Variants in ACTR3 observed in about 807,000 individuals in gnomAD.
ACTR3 encodes actin related protein 3, also known as actin-related protein 3.
A neutral mutation model predicts 56.8 loss-of-function variants in ACTR3; 12 were observed. That is an observed-to-expected ratio of 0.21 (90% CI 0.14 to 0.34). The LOEUF (loss-of-function observed/expected upper bound fraction) is 0.34. Ranked by LOEUF, ACTR3 falls within the 10% of genes least tolerant of loss-of-function variation. The pLI is 1.00. For missense variants in ACTR3, 282 were observed against 512.5 expected (o/e 0.55, Z 4.34); for synonymous variants, 162 against 167.4 (o/e 0.97, Z 0.25).
At chr2:113,902,800 G>C (rs984046261) in intron 1 of ACTR3, among the ~76,000 whole-genome samples, 1 of 152,052 alleles carries the variant, frequency 6.6e-6, no homozygotes, top group Admixed American at 6.5e-5. Flanking sequence ...GGGTTTCGCC[G>C]TGTTGGCCAG....
Position 113,960,866 on chromosome 2 carries a change from G to C in ACTR3, c.*3411G>C, listed in dbSNP as rs985921182. 6.6e-6 allele frequency: 1 copy of C among 152,002 alleles called. No individual in the cohort carries two copies. Among genetic ancestry groups the C allele is most frequent in the East Asian group, 1.9e-4 (1 of 5,196 alleles). 9.4% of individuals were successfully genotyped at this position (152,002 alleles called of 1,614,324 possible). On this transcript the variant is annotated 3_prime_UTR_variant, in exon 12 of 12. Transcript: ENST00000263238. ...TCTGTGCAGACTCTGGGAGCAAAAT[G>C]TTCTACTCAGTTTGGAATACTGTGC...
chr2:113,954,035 T>C (rs1299776036), intron 10 of ACTR3: 1 of 152,234 alleles, frequency 6.6e-6, no homozygotes, highest in East Asian at 1.9e-4. Context: ...TTTTGTAGCA[T>C]ATCCTTCAGC....
At chr2:113,955,008 C>G (rs942624281) in intron 10 of ACTR3, 4 of 152,080 alleles carry the variant, frequency 2.6e-5, no homozygotes, top group African/African-American at 9.7e-5. Flanking sequence ...ATTGTAATGC[C>G]CTTCTCTGAC....
intron 6 of ACTR3, among the ~76,000 whole-genome samples, chr2:113,936,152 C>T (rs149753744): frequency 4.4e-4 from 67 of 151,916 alleles, no homozygotes; most frequent in African/African-American, 1.3e-3. Context: ...ATTAATTGAA[C>T]GTGGTGGTTC....
At chr2:113,928,458 T>C (rs1679658851) in intron 4 of ACTR3, among the ~76,000 whole-genome samples, 2 of 152,212 alleles carry the variant, frequency 1.3e-5, no homozygotes, top group African/African-American at 2.4e-5. Flanking sequence ...TCTTTTCATA[T>C]AAAATTTACA....
chr2:113,890,084 C>A, upstream of ACTR3: 1 of 638,834 alleles, frequency 1.6e-6, no homozygotes, highest in Non-Finnish European at 2.8e-6. Flanking sequence ...TGCCTGCCTG[C>A]CTGGGTTGCG....
intron 1 of ACTR3, among the ~76,000 whole-genome samples, chr2:113,899,551 TTTAA>T (rs1156281670): frequency 6.6e-6 from 1 of 152,220 alleles, no homozygotes; most frequent in Non-Finnish European, 1.5e-5. Context: ...CTTACTAGCA[TTTAA>T]TTGTTTGGGC....
intron 8 of ACTR3, among the ~76,000 whole-genome samples, chr2:113,949,594 C>G (rs1680085019): frequency 6.6e-6 from 1 of 152,050 alleles, no homozygotes; most frequent in Non-Finnish European, 1.5e-5. Context: ...CAGAGTCTCT[C>G]TCTGTCACCC....
chr2:113,903,438 C>T (rs939889185), intron 1 of ACTR3, among the ~76,000 whole-genome samples: 6 of 152,224 alleles, frequency 3.9e-5, no homozygotes, highest in African/African-American at 1.2e-4. Context: ...GCAGCCTTGG[C>T]CCACTGCAAC....
At chr2:113,890,411 C>A in intron 1 of ACTR3, 88 bp downstream of exon 1, 1 of 1,375,616 alleles carries the variant, frequency 7.3e-7, no homozygotes, top group Non-Finnish European at 9.8e-7. Context: ...ATGAATGGTG[C>A]GGCGAGGTGC....
chr2:113,896,756 G>A (rs1009329224), intron 1 of ACTR3, among the ~76,000 whole-genome samples: 1 of 152,212 alleles, frequency 6.6e-6, no homozygotes, highest in African/African-American at 2.4e-5. Flanking sequence ...AGCTTCTTGA[G>A]CATCACAGTG....
rs1680293824 is a variant in ACTR3, at chr2:113,959,791, T to C, written c.*2336T>C. 1 of 152,084 alleles carries C rather than the reference T, an allele frequency of 6.6e-6. No individual in the cohort carries two copies. The highest frequency in any genetic ancestry group is 2.4e-5 in the African/African-American group (1 of 41,466). 9.4% of individuals were successfully genotyped at this position (152,084 alleles called of 1,614,324 possible). ...AACATTGATTAGATATCAAGCAACG[T>C]GAGCATGGTAGCAAAAGCACTAACT... On this transcript the variant is annotated 3_prime_UTR_variant, in exon 12 of 12. Transcript: ENST00000263238.
At chr2:113,949,706 G>A (rs1680087932) in intron 8 of ACTR3, among the ~76,000 whole-genome samples, 1 of 151,972 alleles carries the variant, frequency 6.6e-6, no homozygotes, top group Non-Finnish European at 1.5e-5. Context: ...GGAACTACAG[G>A]TGTGTGCCAC....
At chr2:113,918,300 T>C (rs1428221009) in intron 3 of ACTR3, among the ~76,000 whole-genome samples, 1 of 152,196 alleles carries the variant, frequency 6.6e-6, no homozygotes, top group Non-Finnish European at 1.5e-5. Flanking sequence ...GTGATATCAT[T>C]CAGTGACTTA....
chr2:113,930,325 A>T (rs115643759), intron 4 of ACTR3, among the ~76,000 whole-genome samples: 2,152 of 152,204 alleles, frequency 0.014, 37 homozygotes, highest in African/African-American at 0.048. Flanking sequence ...GTAAGGTAAC[A>T]GTATACTTAG....
Position 113,942,344 on chromosome 2 carries a change from C to CT in ACTR3, c.849dup (p.His284SerfsTer6). ...ATGAGAGATTTTTGGGACCTGAAAT[C>CT]TTTTTTCATCCAGAGGTAATTTTTT... On this transcript the variant is annotated frameshift_variant, in exon 8 of 12. Transcript: ENST00000263238. LOFTEE classifies it high-confidence loss of function. 1 of 1,573,068 alleles carries CT rather than the reference C, an allele frequency of 6.4e-7. No homozygotes were observed. The highest frequency in any genetic ancestry group is 8.6e-7 in the Non-Finnish European group (1 of 1,164,768).
chr2:113,949,557 G>A (rs978408041), intron 8 of ACTR3, among the ~76,000 whole-genome samples: 1 of 151,888 alleles, frequency 6.6e-6, no homozygotes, highest in Non-Finnish European at 1.5e-5. Context: ...ACTAATTAGA[G>A]CTAGATTTTG....
At chr2:113,929,717 C>T (rs1451045767) in intron 4 of ACTR3, among the ~76,000 whole-genome samples, 1 of 152,044 alleles carries the variant, frequency 6.6e-6, no homozygotes, top group African/African-American at 2.4e-5. Flanking sequence ...TGCTCTGTCA[C>T]CCAGGCTGGA....
chr2:113,894,764 A>G (rs1206110174), intron 1 of ACTR3, among the ~76,000 whole-genome samples: 6 of 152,198 alleles, frequency 3.9e-5, no homozygotes, highest in Non-Finnish European at 8.8e-5. Flanking sequence ...ACCTAATTTT[A>G]TAAGTGAAAA....
Sources: gnomAD v4.1 joint callset for allele counts (sites outside exome capture counted in the v4.1 genomes callset) on GRCh38, gnomAD v4.1.1 for gene constraint, MANE v1.5 for transcripts, NCBI Gene and HGNC (gene_info 2026-07-23, HGNC 2026-07-21) for gene names.